The following EFNA5 variants were observed in gnomAD, a reference collection of about 807,000 sequenced individuals.
EFNA5 encodes ephrin-A5.
Under a neutral mutation model 22.9 loss-of-function variants are expected in EFNA5, and 5 were observed. That is an observed-to-expected ratio of 0.22 (90% confidence interval 0.11 to 0.46). The LOEUF (loss-of-function observed/expected upper bound fraction) is 0.46. Among genes scored for constraint, EFNA5 ranks in the 20% least tolerant of loss-of-function variants. The pLI is 0.99. For synonymous variants in EFNA5, 113 were observed against 112.2 expected, an observed-to-expected ratio of 1.01 and a Z score of -0.04; for missense variants, 237 against 293.3, an observed-to-expected ratio of 0.81 and a Z score of 1.40.
At chr5:107,487,889 C>A (rs1024297061) in intron 1 of EFNA5, among the ~76,000 whole-genome samples, 4 of 152,202 alleles carry the variant, frequency 2.6e-5, no homozygotes, top group Non-Finnish European at 5.9e-5. Flanking sequence ...ACTCCCTATG[C>A]GATGAGGCTG....
chr5:107,633,831 T>G (rs2112538336), intron 1 of EFNA5, among the ~76,000 whole-genome samples: 1 of 152,242 alleles, frequency 6.6e-6, no homozygotes, highest in East Asian at 1.9e-4. Flanking sequence ...AAAAACTAGC[T>G]AAGAATCACA....
intron 1 of EFNA5, among the ~76,000 whole-genome samples, chr5:107,620,460 G>T (rs966725454): frequency 6.6e-6 from 1 of 152,172 alleles, no homozygotes; most frequent in African/African-American, 2.4e-5. Flanking sequence ...AATGAGAGAA[G>T]TACCAAGTCA....
intron 1 of EFNA5, among the ~76,000 whole-genome samples, chr5:107,666,036 A>G (rs1751058638): frequency 6.6e-6 from 1 of 152,160 alleles, no homozygotes; most frequent in Admixed American, 6.5e-5. Flanking sequence ...AAAAACATTT[A>G]TGTTTCTAAC....
At chr5:107,474,640 T>C (rs1281696900) in intron 1 of EFNA5, among the ~76,000 whole-genome samples, 1 of 152,164 alleles carries the variant, frequency 6.6e-6, no homozygotes, top group Non-Finnish European at 1.5e-5. Context: ...TTTATCCTGT[T>C]GAAGGGCGTA....
chr5:107,516,603 T>C (rs949235118), intron 1 of EFNA5, among the ~76,000 whole-genome samples: 5 of 152,196 alleles, frequency 3.3e-5, no homozygotes, highest in East Asian at 1.9e-4. Context: ...ACTACACATA[T>C]GGCCGTAAAA....
At chr5:107,492,686 CTCAATTTCACTCTGA>C (rs1405301485) in intron 1 of EFNA5, among the ~76,000 whole-genome samples, 6 of 152,100 alleles carry the variant, frequency 3.9e-5, no homozygotes. Flanking sequence ...CCTTAGGGCT[CTCAATTTCACTCTGA>C]AAGAAAATCA....
intron 1 of EFNA5, among the ~76,000 whole-genome samples, chr5:107,588,080 C>T (rs1346623860): frequency 1.3e-5 from 2 of 152,196 alleles, no homozygotes; most frequent in Admixed American, 1.3e-4. Flanking sequence ...CTCCCAATGA[C>T]TCTCTCCCTT....
intron 1 of EFNA5, among the ~76,000 whole-genome samples, chr5:107,627,238 C>A (rs539045758): frequency 6.6e-6 from 1 of 152,202 alleles, no homozygotes; most frequent in East Asian, 1.9e-4. Flanking sequence ...TTCATCCCAA[C>A]AAATGGGGAT....
chr5:107,603,001 C>A (rs1309135539), intron 1 of EFNA5, among the ~76,000 whole-genome samples: 2 of 152,160 alleles, frequency 1.3e-5, no homozygotes, highest in Non-Finnish European at 2.9e-5. Flanking sequence ...CGAGTGCATT[C>A]CGGTATTACC....
At chr5:107,626,623 T>A (rs1750146831) in intron 1 of EFNA5, among the ~76,000 whole-genome samples, 1 of 152,164 alleles carries the variant, frequency 6.6e-6, no homozygotes. Context: ...ATGTATGCTG[T>A]GGACAGAAGC....
At chr5:107,402,367 A>T (rs551731502) in intron 2 of EFNA5, among the ~76,000 whole-genome samples, 1 of 152,334 alleles carries the variant, frequency 6.6e-6, no homozygotes, top group South Asian at 2.1e-4. Flanking sequence ...TGCACAACAA[A>T]ATCATGCAGG....
intron 1 of EFNA5, among the ~76,000 whole-genome samples, chr5:107,460,116 C>A (rs1311516797): frequency 6.6e-6 from 1 of 152,168 alleles, no homozygotes; most frequent in East Asian, 1.9e-4. Context: ...GAATGGCCTA[C>A]TCTGCTAATC....
intron 1 of EFNA5, among the ~76,000 whole-genome samples, chr5:107,490,399 G>A (rs1436387449): frequency 6.6e-6 from 1 of 152,032 alleles, no homozygotes; most frequent in African/African-American, 2.4e-5. Context: ...CCCAGCTATT[G>A]CTTTTAACAC....
intron 1 of EFNA5, among the ~76,000 whole-genome samples, chr5:107,497,286 G>A (rs915926707): frequency 1.3e-5 from 2 of 152,176 alleles, no homozygotes; most frequent in African/African-American, 4.8e-5. Context: ...CAAAAAATCA[G>A]GAGAGGATCA....
intron 1 of EFNA5, among the ~76,000 whole-genome samples, chr5:107,512,691 T>A (rs1004073771): frequency 2.6e-5 from 4 of 152,140 alleles, no homozygotes; most frequent in African/African-American, 9.7e-5. Context: ...GACAGCTCCA[T>A]CAAGCAGCAA....
chr5:107,434,529 C>G (rs576649101), intron 1 of EFNA5, among the ~76,000 whole-genome samples: 6 of 152,312 alleles, frequency 3.9e-5, no homozygotes, highest in Non-Finnish European at 7.4e-5. Context: ...ATTTTAGTAG[C>G]TGGAAAAGGA....
chr5:107,391,577 A>G (rs1747795889), intron 2 of EFNA5, among the ~76,000 whole-genome samples: 1 of 152,180 alleles, frequency 6.6e-6, no homozygotes, highest in South Asian at 2.1e-4. Flanking sequence ...TTCTAATAGA[A>G]TTTTTCAACT....
At chr5:107,587,929 C>T (rs942520972) in intron 1 of EFNA5, among the ~76,000 whole-genome samples, 3 of 152,166 alleles carry the variant, frequency 2.0e-5, no homozygotes, top group African/African-American at 7.2e-5. Flanking sequence ...AGTGGACCCA[C>T]GGCATGCTAA....
chr5:107,593,196 T>C (rs776304580), intron 1 of EFNA5, among the ~76,000 whole-genome samples: 2 of 152,164 alleles, frequency 1.3e-5, no homozygotes, highest in Admixed American at 1.3e-4. Flanking sequence ...ACTAATCAGA[T>C]ACAGAGACTC....
Sources: gnomAD v4.1 joint callset for allele counts (sites outside exome capture counted in the v4.1 genomes callset) on GRCh38, gnomAD v4.1.1 for gene constraint, MANE v1.5 for transcripts, NCBI Gene and HGNC (gene_info 2026-07-23, HGNC 2026-07-21) for gene names.